FHL2: variants seen among roughly 807,000 people sequenced by gnomAD.
FHL2 encodes four and a half LIM domains 2.
Under a neutral mutation model 32.7 loss-of-function variants are expected in FHL2, and 20 were observed. The observed-to-expected ratio is 0.61, with a 90% confidence interval of 0.43 to 0.89. The LOEUF is 0.89. Among genes scored for constraint, FHL2 ranks in the 40% least tolerant of loss-of-function variants. FHL2 has a pLI of 0.00. For synonymous variants in FHL2, 123 were observed against 128.1 expected, an observed-to-expected ratio of 0.96 and a Z score of 0.27; for missense variants, 311 against 358.6, an observed-to-expected ratio of 0.87 and a Z score of 1.07.
intron 1 of FHL2, among the ~76,000 whole-genome samples, chr2:105,425,628 G>T (rs1296167268): frequency 6.6e-6 from 1 of 152,124 alleles, no homozygotes; most frequent in African/African-American, 2.4e-5. Context: ...TAGGAGAAAA[G>T]CTGCCCTGTG....
chr2:105,437,174 A>C (rs1325797095), intron 1 of FHL2, among the ~76,000 whole-genome samples: 1 of 152,240 alleles, frequency 6.6e-6, no homozygotes, highest in Non-Finnish European at 1.5e-5. Flanking sequence ...GAAGTTATGC[A>C]TTAAAATATT....
intron 3 of FHL2, among the ~76,000 whole-genome samples, chr2:105,377,012 G>T (rs555053741): frequency 6.6e-6 from 1 of 152,346 alleles, no homozygotes; most frequent in East Asian, 1.9e-4. Flanking sequence ...CCAGGGGCTG[G>T]GATGAGAGGG....
intron 3 of FHL2, chr2:105,375,158 T>TGTGC (rs1491331786): frequency 1.4e-5 from 2 of 145,158 alleles, no homozygotes; most frequent in Non-Finnish European, 3.1e-5. Context: ...TGTGTGTGTG[T>TGTGC]GCGCGTGCGT....
chr2:105,414,110 C>G (rs1322880397), intron 1 of FHL2, among the ~76,000 whole-genome samples: 1 of 152,164 alleles, frequency 6.6e-6, no homozygotes, highest in Non-Finnish European at 1.5e-5. Flanking sequence ...GAGCAGCTCA[C>G]AGAACTGAGG....
chr2:105,426,874 T>C (rs937939715), intron 1 of FHL2, among the ~76,000 whole-genome samples: 4 of 152,256 alleles, frequency 2.6e-5, no homozygotes, highest in South Asian at 4.1e-4. Flanking sequence ...TCTACTCACA[T>C]GGCCCTTATC....
At chr2:105,418,697 G>A (rs945398792) in intron 1 of FHL2, among the ~76,000 whole-genome samples, 11 of 151,988 alleles carry the variant, frequency 7.2e-5, no homozygotes, top group Non-Finnish European at 1.2e-4. Flanking sequence ...CCCTCCTCCC[G>A]CTCCCCTTAT....
At chr2:105,415,984 A>G (rs1409540987) in intron 1 of FHL2, among the ~76,000 whole-genome samples, 1 of 152,224 alleles carries the variant, frequency 6.6e-6, no homozygotes, top group African/African-American at 2.4e-5. Flanking sequence ...AACCATATTC[A>G]ATCAATTTCA....
intron 4 of FHL2, 121 bp downstream of exon 4, chr2:105,373,438 G>A (rs997386018): frequency 1.9e-6 from 2 of 1,039,390 alleles, no homozygotes; most frequent in Admixed American, 2.0e-5. Context: ...GCAGTTCAAG[G>A]TCAAACTGGA....
At chr2:105,424,406 G>A (rs1054624192) in intron 1 of FHL2, among the ~76,000 whole-genome samples, 11 of 152,192 alleles carry the variant, frequency 7.2e-5, no homozygotes, top group African/African-American at 2.4e-4. Context: ...TGGAGAAATA[G>A]GAGCACTTTT....
At chr2:105,374,097 C>T (rs1442796677) in intron 3 of FHL2, 5 of 311,130 alleles carry the variant, frequency 1.6e-5, no homozygotes, top group South Asian at 1.2e-4. Context: ...GACAGAGAAA[C>T]AGACTGCAGG....
chr2:105,422,083 C>A (rs1207743183), intron 1 of FHL2, among the ~76,000 whole-genome samples: 1 of 152,196 alleles, frequency 6.6e-6, no homozygotes, highest in Non-Finnish European at 1.5e-5. Flanking sequence ...CACATACATG[C>A]AAGTCCTCCA....
At chr2:105,361,927 C>T (rs377166003) in intron 6 of FHL2, among the ~76,000 whole-genome samples, 23 of 152,142 alleles carry the variant, frequency 1.5e-4, no homozygotes, top group African/African-American at 5.3e-4. Context: ...GGGATATTGT[C>T]GCAGTGGGAA....
At chr2:105,374,729 C>T (rs1234130681) in intron 3 of FHL2, among the ~76,000 whole-genome samples, 1 of 152,150 alleles carries the variant, frequency 6.6e-6, no homozygotes, top group Non-Finnish European at 1.5e-5. Context: ...AAATGACATA[C>T]GGCATTTTTA....
chr2:105,428,904 T>A (rs1684341648), intron 1 of FHL2, among the ~76,000 whole-genome samples: 1 of 152,268 alleles, frequency 6.6e-6, no homozygotes, highest in Admixed American at 6.5e-5. Context: ...GCTTTCATTT[T>A]TACTTTGTAA....
chr2:105,436,117 TA>T lies in FHL2; in HGVS notation c.-25+2281del, dbSNP rs566670082. ...GTAAAACATTAAATTGCTCAGAACTTATGTGAGTTCTTTTCTATTTTTCATC... is the reference window on the plus strand; with the variant it reads ...GTAAAACATTAAATTGCTCAGAACTTTGTGAGTTCTTTTCTATTTTTCATC... On this transcript the variant is annotated intron_variant, in intron 1 of 5. Transcript: ENST00000393352. Among the ~76,000 whole-genome samples, 474 of 152,282 alleles carry T rather than the reference TA, an allele frequency of 3.1e-3. 6 individuals are homozygous for T. Among genetic ancestry groups the T allele is most frequent in the African/African-American group, 0.011 (442 of 41,562 alleles).
chr2:105,432,673 G>A (rs1351329669), intron 1 of FHL2, among the ~76,000 whole-genome samples: 1 of 151,072 alleles, frequency 6.6e-6, no homozygotes, highest in Non-Finnish European at 1.5e-5. Flanking sequence ...GGCACACACA[G>A]ACACACGCAG....
upstream of FHL2, chr2:105,399,159 G>A: frequency 8.1e-6 from 11 of 1,361,048 alleles, no homozygotes; most frequent in Non-Finnish European, 1.0e-5. Context: ...GCGGGGGGCG[G>A]GCGCCCCCAG....
At chr2:105,430,139 G>T (rs1684384574) in intron 1 of FHL2, among the ~76,000 whole-genome samples, 1 of 152,158 alleles carries the variant, frequency 6.6e-6, no homozygotes, top group Non-Finnish European at 1.5e-5. Flanking sequence ...GTGAACAAGG[G>T]ACATTAGACT....
At chr2:105,437,336 C>G (rs917275004) in intron 1 of FHL2, among the ~76,000 whole-genome samples, 1 of 152,138 alleles carries the variant, frequency 6.6e-6, no homozygotes, top group African/African-American at 2.4e-5. Context: ...AAAACCCTGA[C>G]TTGGTCATTA....
Sources: gnomAD v4.1 joint callset for allele counts (sites outside exome capture counted in the v4.1 genomes callset) on GRCh38, gnomAD v4.1.1 for gene constraint, MANE v1.5 for transcripts, NCBI Gene and HGNC (gene_info 2026-07-23, HGNC 2026-07-21) for gene names.